The following RAP1B variants were observed in gnomAD, a reference collection of about 807,000 sequenced individuals.
The protein encoded by RAP1B is RAP1B, member of RAS oncogene family.
A neutral mutation model predicts 27.5 loss-of-function variants in RAP1B; 1 was observed. The ratio of observed to expected loss-of-function variants is 0.04; its 90% confidence interval spans 0.01 to 0.17. The LOEUF is 0.17. Ranked by LOEUF, RAP1B falls within the 10% of genes least tolerant of loss-of-function variation. RAP1B has a pLI of 1.00. For synonymous variants in RAP1B, 75 were observed against 73.1 expected, an observed-to-expected ratio of 1.03 and a Z score of -0.13; for missense variants, 84 against 214.8, an observed-to-expected ratio of 0.39 and a Z score of 3.81.
chr12:68,636,545 A>G (rs535639873), intron 1 of RAP1B, among the ~76,000 whole-genome samples: 4 of 152,228 alleles, frequency 2.6e-5, no homozygotes, highest in Admixed American at 2.0e-4. Flanking sequence ...CTCCTACCTC[A>G]TTCTTTTGAG....
rs549721608 is a variant in RAP1B, at chr12:68,667,249, A to G, written c.*8000A>G. On this transcript the variant is annotated 3_prime_UTR_variant, in exon 8 of 8. Coordinates refer to ENST00000250559, the MANE Select transcript of RAP1B (RefSeq NM_001010942.3). ...GAGAAAATTAGTGTTTCTGAGACCAAATGGTGGTGTTTATAAGATTTTGCT... is the reference window on the plus strand; with the variant it reads ...GAGAAAATTAGTGTTTCTGAGACCAGATGGTGGTGTTTATAAGATTTTGCT... The G allele has an allele frequency of 6.6e-6, 1 of 152,266 alleles. No individual in the cohort carries two copies. The highest frequency in any genetic ancestry group is 2.1e-4 in the South Asian group (1 of 4,826). 9.4% of individuals were successfully genotyped at this position (152,266 alleles called of 1,614,324 possible). A position where few individuals can be genotyped will look rare whatever the true frequency, so the allele number is the denominator to read the frequency against.
At chr12:68,648,355 T>A (rs1020332460) in intron 1 of RAP1B, among the ~76,000 whole-genome samples, 4 of 152,242 alleles carry the variant, frequency 2.6e-5, no homozygotes, top group Non-Finnish European at 1.5e-5. Flanking sequence ...GGCTCTGTTG[T>A]AACTACTTTG....
rs202130337 is a variant in RAP1B at position 68,619,466 on chromosome 12, GAA to G, written c.-27+8425_-27+8426del. 1.6e-3 allele frequency among the ~76,000 whole-genome samples: 249 copies of G among 152,266 alleles called. 3 individuals carry two copies. In the East Asian group the frequency reaches 0.042, roughly 26 times the overall value. ...TATTATAAAAATCATACATGGGTAA[GAA>G]ATCTTTACAAAGTGTCAGCTAGACC... On this transcript the variant is annotated intron_variant, in intron 1 of 7. Coordinates refer to ENST00000250559, the MANE Select transcript of RAP1B (RefSeq NM_001010942.3).
At position 68,626,889 on chromosome 12, in the gene RAP1B, C is replaced by T. The variant is rs530111398; in HGVS notation, c.-27+15846C>T. On this transcript the variant is annotated intron_variant, in intron 1 of 7. Transcript: ENST00000250559. ...AAGCCCTCATGAGTGCAGGGCCCGC[C>T]ACTTGTCCACAGGGCCACGATTGGA... 8 of 1,577,252 alleles carry T rather than the reference C, an allele frequency of 5.1e-6. No individual in the cohort carries two copies. The Admixed American group carries it at 1.0e-4, about 20-fold the overall frequency.
chr12:68,651,765 G>C (rs1257687313), intron 3 of RAP1B: 1 of 476,494 alleles, frequency 2.1e-6, no homozygotes, highest in African/African-American at 1.9e-5. Flanking sequence ...AGGTTTCCCT[G>C]TGTTGACTTG....
In RAP1B at chr12:68,662,610, C is replaced by A. The variant is rs1874662188; in HGVS notation, c.*3361C>A. The stretch of plus-strand genomic sequence containing the variant: ...TATCTGTGTTTTCATTGAATTTAAT[C>A]TCCATCTATTCTATCTCTTCTTAAA... On this transcript the variant is annotated 3_prime_UTR_variant, in exon 8 of 8. Coordinates refer to ENST00000250559, the MANE Select transcript of RAP1B (RefSeq NM_001010942.3). 1 of 151,756 alleles carries A rather than the reference C, an allele frequency of 6.6e-6. No individual in the cohort carries two copies. Among genetic ancestry groups the A allele is most frequent in the South Asian group, 2.1e-4 (1 of 4,810 alleles). The allele number at this position is 151,756 out of a possible 1,614,324, so 9.4% of individuals were successfully genotyped here.
Position 68,666,229 on chromosome 12 carries a change from G to T in RAP1B, c.*6980G>T, listed in dbSNP as rs1033921922. On this transcript the variant is annotated 3_prime_UTR_variant, in exon 8 of 8. Transcript: ENST00000250559. ...TAAACTTTATTTTCTCTCAATTTTC[G>T]TAAGTGGTATTTTGGTGCTTTACCC... 1.3e-5 allele frequency: 2 copies of T among 152,176 alleles called. No individual in the cohort carries two copies. Among genetic ancestry groups the T allele is most frequent in the African/African-American group, 2.4e-5 (1 of 41,526 alleles). The allele number at this position is 152,176 out of a possible 1,614,324, so 9.4% of individuals were successfully genotyped here.
At chr12:68,629,680 T>C (rs1565661486) in intron 1 of RAP1B, among the ~76,000 whole-genome samples, 1 of 152,328 alleles carries the variant, frequency 6.6e-6, no homozygotes, top group East Asian at 1.9e-4. Flanking sequence ...TGTTTTATCA[T>C]CCTCATGAAT....
At chr12:68,620,037 A>T (rs990018077) in intron 1 of RAP1B, among the ~76,000 whole-genome samples, 1 of 152,116 alleles carries the variant, frequency 6.6e-6, no homozygotes, top group African/African-American at 2.4e-5. Flanking sequence ...ACTTTTCCAT[A>T]GTAAAGCTGT....
rs1874200800 is a variant in RAP1B at position 68,656,290 on chromosome 12, A to C, written c.325-16A>C. 1.9e-6 allele frequency: 3 copies of C among 1,586,032 alleles called. No individual in the cohort carries two copies. The highest frequency in any genetic ancestry group is 2.6e-6 in the Non-Finnish European group (3 of 1,155,906). On this transcript the variant is annotated splice_polypyrimidine_tract_variant and intron_variant, in intron 5 of 7. Transcript: ENST00000250559. ...TATTTACTTATTTATTTTTACTCTC[A>C]CAAATGTATTTTTAGGTTCCAATGA...
rs1874204433 is a variant in RAP1B, at chr12:68,656,346, A to T, written c.365A>T (p.Asp122Val). Residue 122 changes from aspartate to valine, a missense_variant, in exon 6 of 8, where the codon GAT (aspartate) becomes GTT (valine). Physicochemically the swap from Asp to Val is radical, Grantham distance 152. Coordinates refer to ENST00000250559, the MANE Select transcript of RAP1B (RefSeq NM_001010942.3). ...ILVGNKCDLE[D>V]ERVVGKEQGQ... ...GTTGGTAATAAGTGTGACTTGGAAG[A>T]TGAAAGAGTTGTAGGGAAGGAACAA... 6.2e-7 allele frequency: 1 copy of T among 1,607,830 alleles called. No homozygotes were observed. Among genetic ancestry groups the T allele is most frequent in the South Asian group, 1.1e-5 (1 of 90,950 alleles).
chr12:68,665,175 G>A lies in RAP1B; in HGVS notation c.*5926G>A, dbSNP rs1874797206. ...AAATGGAATAGAATCGGATGGGTAT[G>A]GTACAGCAGGTAGTTATGGGGAGAC... On this transcript the variant is annotated 3_prime_UTR_variant, in exon 8 of 8. Transcript: ENST00000250559. 1.3e-5 allele frequency: 2 copies of A among 152,204 alleles called. No homozygotes were observed. The highest frequency in any genetic ancestry group is 4.8e-5 in the African/African-American group (2 of 41,436). 9.4% of individuals were successfully genotyped at this position (152,204 alleles called of 1,614,324 possible). A position where few individuals can be genotyped will look rare whatever the true frequency, so the allele number is the denominator to read the frequency against.
intron 1 of RAP1B, among the ~76,000 whole-genome samples, chr12:68,628,167 A>G (rs985919074): frequency 3.3e-5 from 5 of 152,154 alleles, no homozygotes; most frequent in Non-Finnish European, 7.4e-5. Context: ...CAGCTAGGGC[A>G]CAAGTACTTG....
intron 1 of RAP1B, chr12:68,627,395 C>A: frequency 1.7e-6 from 1 of 592,248 alleles, no homozygotes; most frequent in Non-Finnish European, 3.1e-6. Flanking sequence ...TTTTAAAACA[C>A]ACAAATATAC....
chr12:68,651,752 T>C lies in RAP1B; in HGVS notation c.127-243T>C, dbSNP rs1873830110. 6.6e-6 allele frequency: 3 copies of C among 453,232 alleles called. No homozygotes were observed. In the Admixed American group the frequency reaches 1.0e-4, roughly 16 times the overall value. The allele number at this position is 453,232 out of a possible 1,614,324, so 28.1% of individuals were successfully genotyped here. On this transcript the variant is annotated intron_variant, in intron 3 of 7. Transcript: ENST00000250559. ...GAGAATCCATATTGAGACTGGTTCGTGTAGGTTTCCCTGTGTTGACTTGAG... is the reference window on the plus strand; with the variant it reads ...GAGAATCCATATTGAGACTGGTTCGCGTAGGTTTCCCTGTGTTGACTTGAG...
intron 1 of RAP1B, chr12:68,627,249 C>G (rs1342198507): frequency 1.7e-6 from 2 of 1,194,136 alleles, no homozygotes; most frequent in Non-Finnish European, 2.5e-6. Context: ...TCTCCAGGGT[C>G]CCTTAGAGCA....
chr12:68,629,214 A>C (rs1337179803), intron 1 of RAP1B, among the ~76,000 whole-genome samples: 1 of 152,166 alleles, frequency 6.6e-6, no homozygotes, highest in Non-Finnish European at 1.5e-5. Context: ...CCTGAGCTCA[A>C]GCCATCTACC....
intron 1 of RAP1B, among the ~76,000 whole-genome samples, chr12:68,645,830 GT>G (rs779770260): frequency 1.3e-5 from 2 of 152,000 alleles, no homozygotes; most frequent in African/African-American, 4.8e-5. Context: ...GTACTGTTGG[GT>G]TTTTTTTGTT....
intron 2 of RAP1B, 91 bp downstream of exon 2, chr12:68,648,872 T>A: frequency 8.7e-7 from 1 of 1,155,712 alleles, no homozygotes; most frequent in Non-Finnish European, 1.2e-6. Context: ...TTTGTTAAGA[T>A]AAAATTCCTT....
Sources: allele counts gnomAD v4.1 joint callset (sites outside exome capture counted in the v4.1 genomes callset), GRCh38; gene constraint gnomAD v4.1.1; transcripts MANE v1.5; gene names NCBI Gene and HGNC (gene_info 2026-07-23, HGNC 2026-07-21).